The following STK32B variants were observed in gnomAD, a reference collection of about 807,000 sequenced individuals.
STK32B encodes serine/threonine-protein kinase 32B.
Under a neutral mutation model 52.6 loss-of-function variants are expected in STK32B, and 43 were observed. The ratio of observed to expected loss-of-function variants is 0.82; its 90% CI spans 0.64 to 1.05. The LOEUF is 1.05. Ranked by LOEUF, STK32B falls within the 50% of genes least tolerant of loss-of-function variation. STK32B has a pLI of 0.00. For missense variants in STK32B, 621 were observed against 534.6 expected (o/e 1.16, Z -1.59); for synonymous variants, 238 against 204.3 (o/e 1.17, Z -1.41).
At chr4:5,178,116 A>T (rs956463633) in intron 3 of STK32B, among the ~76,000 whole-genome samples, 3 of 152,158 alleles carry the variant, frequency 2.0e-5, no homozygotes, top group African/African-American at 7.2e-5. Flanking sequence ...GGTTCTCCAT[A>T]AGGGCTCTGC....
intron 3 of STK32B, among the ~76,000 whole-genome samples, chr4:5,256,868 G>A (rs1323295447): frequency 1.3e-5 from 2 of 152,202 alleles, no homozygotes; most frequent in Non-Finnish European, 2.9e-5. Flanking sequence ...ATGGAGCTGT[G>A]AGGATGGATA....
chr4:5,436,566 G>A lies in STK32B; in HGVS notation c.563-10107G>A, dbSNP rs1163737435. The A allele has an allele frequency of 6.1e-6, 6 of 985,184 alleles. No individual in the cohort carries two copies. The East Asian group carries it at 5.7e-4, about 93-fold the overall frequency. The allele number at this position is 985,184 out of a possible 1,614,324, so 61.0% of individuals were successfully genotyped here. ...ATTGGAGGTCTCTCTGGGTCCAGAG[G>A]CCCAGCTGGGAAGCTATGCTGCTCC... On this transcript the variant is annotated intron_variant, in intron 6 of 11. Transcript: ENST00000282908.
intron 3 of STK32B, among the ~76,000 whole-genome samples, chr4:5,237,033 T>A (rs1349338903): frequency 6.6e-6 from 1 of 152,194 alleles, no homozygotes; most frequent in East Asian, 1.9e-4. Flanking sequence ...CAGGAAGCTC[T>A]CTGATGAACT....
intron 1 of STK32B, among the ~76,000 whole-genome samples, chr4:5,079,188 C>T (rs940076940): frequency 2.0e-5 from 3 of 152,030 alleles, no homozygotes; most frequent in Admixed American, 6.6e-5. Context: ...CATCATTGGG[C>T]CATACAGTAA....
the STK32B span, among the ~76,000 whole-genome samples, chr4:5,044,051 G>A: frequency 6.6e-6 from 1 of 152,140 alleles, no homozygotes; most frequent in Non-Finnish European, 1.5e-5. Context: ...ACCAGGTGCT[G>A]GTAATCCTTC....
chr4:5,208,181 G>C (rs2108782948), intron 3 of STK32B, among the ~76,000 whole-genome samples: 1 of 152,298 alleles, frequency 6.6e-6, no homozygotes, highest in Non-Finnish European at 1.5e-5. Context: ...CTGACCATGT[G>C]AGGGCCTGAG....
At chr4:5,286,712 G>A (rs534013438) in intron 3 of STK32B, among the ~76,000 whole-genome samples, 1 of 151,586 alleles carries the variant, frequency 6.6e-6, no homozygotes, top group African/African-American at 2.4e-5. Context: ...ATTCAAAATA[G>A]GACTGTTTTT....
At chr4:5,312,758 T>C (rs1192476834) in intron 3 of STK32B, among the ~76,000 whole-genome samples, 1 of 151,994 alleles carries the variant, frequency 6.6e-6, no homozygotes, top group Non-Finnish European at 1.5e-5. Context: ...CGTGTGCATG[T>C]GTCTTTATAG....
In STK32B at chr4:5,190,051, T is replaced by C. The variant is rs186080413; in HGVS notation, c.260+21601T>C. Among the ~76,000 whole-genome samples the C allele has an allele frequency of 1.3e-3, 198 of 152,230 alleles. No homozygotes were observed. The South Asian group carries it at 0.016, about 12-fold the overall frequency. On this transcript the variant is annotated intron_variant, in intron 3 of 11. Coordinates refer to ENST00000282908, the MANE Select transcript of STK32B (RefSeq NM_018401.3). Reference sequence around the variant, plus strand: ...TGGAGAGCGTACATGATCAGCTCACTTGGTTACTCACTCACACCGACCCAC... The same window carrying C: ...TGGAGAGCGTACATGATCAGCTCACCTGGTTACTCACTCACACCGACCCAC...
chr4:5,278,822 C>G (rs938334255), intron 3 of STK32B, among the ~76,000 whole-genome samples: 10 of 152,128 alleles, frequency 6.6e-5, no homozygotes, highest in African/African-American at 9.7e-5. Context: ...GAAGGGGAAG[C>G]AGGAACAATC....
At chr4:5,131,416 C>T (rs762023744) in intron 1 of STK32B, among the ~76,000 whole-genome samples, 1 of 152,178 alleles carries the variant, frequency 6.6e-6, no homozygotes, top group African/African-American at 2.4e-5. Flanking sequence ...TGAATATTTC[C>T]AAACAGCTTA....
intron 11 of STK32B, among the ~76,000 whole-genome samples, chr4:5,486,885 C>T (rs1335057303): frequency 6.6e-6 from 1 of 152,198 alleles, no homozygotes; most frequent in African/African-American, 2.4e-5. Flanking sequence ...ACATATTGCT[C>T]TTTGAGAAGT....
intron 3 of STK32B, among the ~76,000 whole-genome samples, chr4:5,178,577 G>A (rs1344398036): frequency 6.6e-6 from 1 of 152,166 alleles, no homozygotes; most frequent in African/African-American, 2.4e-5. Flanking sequence ...CACGTTTTCA[G>A]TTTGCACATT....
intron 4 of STK32B, among the ~76,000 whole-genome samples, chr4:5,361,359 A>G (rs1318230680): frequency 6.6e-6 from 1 of 152,174 alleles, no homozygotes; most frequent in Non-Finnish European, 1.5e-5. Context: ...TGGATCATAT[A>G]GTAATTCTAT....
intron 2 of STK32B, among the ~76,000 whole-genome samples, chr4:5,142,359 C>T (rs1716542407): frequency 6.6e-6 from 1 of 152,214 alleles, no homozygotes; most frequent in Non-Finnish European, 1.5e-5. Flanking sequence ...CCTTTCTAAA[C>T]ACGACACATT....
chr4:5,020,006 C>G, the STK32B span, among the ~76,000 whole-genome samples: 347 of 152,260 alleles, frequency 2.3e-3, 4 homozygotes, highest in African/African-American at 7.8e-3. Flanking sequence ...GGTAGGTGAG[C>G]CTTGGGCCAG....
rs984821978 is a variant in STK32B at position 5,058,686 on chromosome 4, C to G, written c.52+6771C>G. ...CAAGCAATCCTCCTGTGTCAGCCTACAAAGTAGACCATAGGAACACACCAC... is the reference window on the plus strand; with the variant it reads ...CAAGCAATCCTCCTGTGTCAGCCTAGAAAGTAGACCATAGGAACACACCAC... On this transcript the variant is annotated intron_variant, in intron 1 of 11. Coordinates refer to ENST00000282908, the MANE Select transcript of STK32B (RefSeq NM_018401.3). This position sits in a 1 kb window ranked among gnomAD's most constrained non-coding sequence, Gnocchi z 4.8. Among the ~76,000 whole-genome samples, 2 of 152,180 alleles carry G rather than the reference C, an allele frequency of 1.3e-5. No homozygotes were observed. The highest frequency in any genetic ancestry group is 2.4e-5 in the African/African-American group (1 of 41,448).
intron 11 of STK32B, among the ~76,000 whole-genome samples, chr4:5,480,784 C>T (rs1213601983): frequency 1.3e-5 from 2 of 151,936 alleles, no homozygotes; most frequent in Non-Finnish European, 2.9e-5. Context: ...TTCCTGTGTC[C>T]ATGTGTTCTC....
chr4:5,323,263 C>T (rs1020460777), intron 3 of STK32B, among the ~76,000 whole-genome samples: 5 of 152,120 alleles, frequency 3.3e-5, no homozygotes, highest in Non-Finnish European at 5.9e-5. Context: ...GGAATCACCT[C>T]CGAGGCACAG....
Sources: gnomAD v4.1 joint callset for allele counts (sites outside exome capture counted in the v4.1 genomes callset) on GRCh38, gnomAD v4.1.1 for gene constraint, Gnocchi (gnomAD v3.1) non-coding constraint, MANE v1.5 for transcripts, NCBI Gene and HGNC (gene_info 2026-07-23, HGNC 2026-07-21) for gene names.